Variants in LMBR1 observed in about 807,000 individuals in gnomAD.
The protein encoded by LMBR1 is limb development membrane protein 1, also known as limb region 1 protein homolog.
In LMBR1, 52 loss-of-function variants were observed where a neutral mutation model predicts 73.9. The ratio of observed to expected loss-of-function variants is 0.70; its 90% confidence interval spans 0.56 to 0.89. The LOEUF (loss-of-function observed/expected upper bound fraction) is 0.89. Among genes scored for constraint, LMBR1 ranks in the 40% least tolerant of loss-of-function variants. The pLI, the probability that LMBR1 is intolerant of heterozygous loss-of-function variation, is 0.00. For synonymous variants in LMBR1, 215 were observed against 209.4 expected (o/e 1.03, Z -0.23); for missense variants, 539 against 579.8 (o/e 0.93, Z 0.72).
chr7:156,750,058 A>C (rs1820562604), intron 9 of LMBR1, among the ~76,000 whole-genome samples: 1 of 152,230 alleles, frequency 6.6e-6, no homozygotes, highest in African/African-American at 2.4e-5. Flanking sequence ...TGAAAATCGT[A>C]TCTAAAGAAA....
intron 1 of LMBR1, among the ~76,000 whole-genome samples, chr7:156,874,189 C>A (rs897842290): frequency 2.0e-5 from 3 of 152,242 alleles, no homozygotes; most frequent in Non-Finnish European, 2.9e-5. Context: ...TTGAGCACAG[C>A]GCCAGTGGGC....
chr7:156,853,105 A>AT (rs1214964030), intron 1 of LMBR1, among the ~76,000 whole-genome samples: 2 of 151,602 alleles, frequency 1.3e-5, no homozygotes, highest in Admixed American at 1.3e-4. Flanking sequence ...CACCCGGCTA[A>AT]TTTTTTGTAT....
intron 15 of LMBR1, among the ~76,000 whole-genome samples, chr7:156,719,866 A>G (rs370331356): frequency 6.6e-6 from 1 of 152,180 alleles, no homozygotes; most frequent in East Asian, 1.9e-4. Context: ...AGGATTCCCT[A>G]TTTAATAGAT....
In LMBR1 at chr7:156,682,203, C is replaced by T. The variant is rs573883612; in HGVS notation, c.*1875G>A. On this transcript the variant is annotated 3_prime_UTR_variant, in exon 17 of 17. Coordinates refer to ENST00000353442, the MANE Select transcript of LMBR1 (RefSeq NM_022458.4). ...ACTTCCAAATGAACAAAAAGTTGAG[C>T]TAAACACTGAAAAGTTTAGTATTTT... The T allele has an allele frequency of 6.8e-4, 103 of 152,314 alleles. No individual in the cohort carries two copies. Among genetic ancestry groups the T allele is most frequent in the African/African-American group, 2.3e-3 (97 of 41,556 alleles). The allele number at this position is 152,314 out of a possible 1,614,324, so 9.4% of individuals were successfully genotyped here. A position where few individuals can be genotyped will look rare whatever the true frequency, so the allele number is the denominator to read the frequency against.
chr7:156,863,516 T>C (rs1030567103), intron 1 of LMBR1, among the ~76,000 whole-genome samples: 1 of 152,000 alleles, frequency 6.6e-6, no homozygotes, highest in African/African-American at 2.4e-5. Flanking sequence ...TTCAATCCAA[T>C]CAAGTTGACA....
chr7:156,671,922 TG>T, intron 4 of LMBR1, among the ~76,000 whole-genome samples: 1 of 152,284 alleles, frequency 6.6e-6, no homozygotes, highest in Admixed American at 6.5e-5. Context: ...AAAATTATAA[TG>T]GAAATGAGAA....
chr7:156,804,598 A>T (rs1388084550), intron 4 of LMBR1, among the ~76,000 whole-genome samples: 1 of 152,170 alleles, frequency 6.6e-6, no homozygotes, highest in Non-Finnish European at 1.5e-5. Context: ...TTATCTAATA[A>T]ATAATGATGT....
Position 156,682,167 on chromosome 7 carries a change from G to T in LMBR1, c.*1911C>A, listed in dbSNP as rs147551625. The T allele has an allele frequency of 1.3e-5, 2 of 152,370 alleles. No individual in the cohort carries two copies. Among genetic ancestry groups the T allele is most frequent in the African/African-American group, 4.8e-5 (2 of 41,582 alleles). 9.4% of individuals were successfully genotyped at this position (152,370 alleles called of 1,614,324 possible). ...AATCCAAAACTGGCTTAAGTCCTCG[G>T]ATGGAGAGAAACTTCCAAATGAACA... is the stretch of plus-strand genomic sequence containing the variant. On this transcript the variant is annotated 3_prime_UTR_variant, in exon 17 of 17. Coordinates refer to ENST00000353442, the MANE Select transcript of LMBR1 (RefSeq NM_022458.4).
At chr7:156,757,604 A>G (rs957753082) in intron 8 of LMBR1, among the ~76,000 whole-genome samples, 1 of 152,214 alleles carries the variant, frequency 6.6e-6, no homozygotes, top group African/African-American at 2.4e-5. Context: ...AAAGAAGTCT[A>G]GAGCTGATAT....
At chr7:156,807,696 G>A (rs143181093) in intron 4 of LMBR1, among the ~76,000 whole-genome samples, 16 of 151,972 alleles carry the variant, frequency 1.1e-4, no homozygotes, top group East Asian at 7.7e-4. Context: ...GGATCTATTC[G>A]TTGACTCTGC....
At chr7:156,856,305 A>AT (rs928693359) in intron 1 of LMBR1, among the ~76,000 whole-genome samples, 1 of 152,200 alleles carries the variant, frequency 6.6e-6, no homozygotes, top group African/African-American at 2.4e-5. Context: ...ATTAGCAAGA[A>AT]TTTTTTTTCT....
intron 15 of LMBR1, among the ~76,000 whole-genome samples, chr7:156,697,267 T>C (rs1022409289): frequency 1.7e-4 from 26 of 152,052 alleles, no homozygotes; most frequent in African/African-American, 6.3e-4. Flanking sequence ...CTAACAAAGA[T>C]CACATGCTTC....
At chr7:156,818,420 G>A (rs1026885656) in intron 4 of LMBR1, among the ~76,000 whole-genome samples, 3 of 152,200 alleles carry the variant, frequency 2.0e-5, no homozygotes, top group Admixed American at 6.5e-5. Context: ...CTGGTCATAA[G>A]TGAGTGGACA....
intron 2 of LMBR1, among the ~76,000 whole-genome samples, chr7:156,834,823 C>T (rs1219876281): frequency 6.6e-6 from 1 of 151,908 alleles, no homozygotes; most frequent in East Asian, 1.9e-4. Context: ...CATAAACTTA[C>T]AAGCTAAAGA....
At chr7:156,740,405 T>C (rs946481425) in intron 9 of LMBR1, among the ~76,000 whole-genome samples, 3 of 152,260 alleles carry the variant, frequency 2.0e-5, no homozygotes, top group African/African-American at 7.2e-5. Flanking sequence ...AAGAAGGTTA[T>C]AGAACACCAA....
chr7:156,861,735 C>G (rs375287409), intron 1 of LMBR1, among the ~76,000 whole-genome samples: 6 of 152,200 alleles, frequency 3.9e-5, no homozygotes, highest in Non-Finnish European at 8.8e-5. Context: ...TCATCTCTCT[C>G]AAGTTCAAAG....
chr7:156,834,165 T>C (rs1837200364), intron 2 of LMBR1, among the ~76,000 whole-genome samples: 1 of 152,204 alleles, frequency 6.6e-6, no homozygotes. Context: ...CAACAAAAGT[T>C]ACTATAAAAT....
In LMBR1 at chr7:156,710,990, T is replaced by C. The variant is rs78345978; in HGVS notation, c.1225+13122A>G. On this transcript the variant is annotated intron_variant, in intron 15 of 16. Coordinates refer to ENST00000353442, the MANE Select transcript of LMBR1 (RefSeq NM_022458.4). ...AATATTTAGCCAAGGAGGTGAAAGA[T>C]ATCTTTAAGAAAAAAATAAATAAAT... Among the ~76,000 whole-genome samples the C allele has an allele frequency of 3.3e-3, 497 of 152,260 alleles. 18 individuals carry two copies. In the East Asian group the frequency reaches 0.075, roughly 23 times the overall value.
intron 1 of LMBR1, among the ~76,000 whole-genome samples, chr7:156,863,913 G>A (rs1003398099): frequency 6.6e-6 from 1 of 152,160 alleles, no homozygotes; most frequent in East Asian, 1.9e-4. Context: ...ACTTTGGGAT[G>A]CCAAGGTGGG....
Sources: allele counts gnomAD v4.1 joint callset (sites outside exome capture counted in the v4.1 genomes callset), GRCh38; gene constraint gnomAD v4.1.1; transcripts MANE v1.5; gene names NCBI Gene and HGNC (gene_info 2026-07-23, HGNC 2026-07-21).